The following NFATC2 variants were observed in gnomAD, a reference collection of about 807,000 sequenced individuals.
The protein encoded by NFATC2 is nuclear factor of activated T-cells, cytoplasmic 2.
In NFATC2, 22 loss-of-function variants were observed where a neutral mutation model predicts 87.3. The ratio of observed to expected loss-of-function variants is 0.25; its 90% CI spans 0.18 to 0.36. The LOEUF is 0.36. NFATC2 is among the 10% of genes least tolerant of loss of function. The pLI is 1.00. For missense variants in NFATC2, 1,149 were observed against 1,259.1 expected (o/e 0.91, Z 1.32); for synonymous variants, 565 against 542.2 (o/e 1.04, Z -0.58).
chr20:51,462,164 G>T (rs1264133063), intron 5 of NFATC2, among the ~76,000 whole-genome samples: 2 of 151,776 alleles, frequency 1.3e-5, no homozygotes, highest in Non-Finnish European at 2.9e-5. Context: ...GCCGGGCAGG[G>T]TGACTTATGC....
intron 3 of NFATC2, among the ~76,000 whole-genome samples, chr20:51,483,151 T>G (rs1252567021): frequency 6.6e-6 from 1 of 152,166 alleles, no homozygotes; most frequent in Non-Finnish European, 1.5e-5. Context: ...GTTCCCAACT[T>G]TCCCCCATTA....
intron 6 of NFATC2, among the ~76,000 whole-genome samples, chr20:51,442,474 A>T (rs1325007954): frequency 6.7e-6 from 1 of 150,068 alleles, no homozygotes; most frequent in African/African-American, 2.5e-5. Flanking sequence ...AGCAGATTTT[A>T]AAAAAATGCT....
intron 9 of NFATC2, among the ~76,000 whole-genome samples, chr20:51,417,027 C>G (rs191734018): frequency 6.6e-6 from 1 of 152,106 alleles, no homozygotes; most frequent in Non-Finnish European, 1.5e-5. Flanking sequence ...GGGGAGCAGC[C>G]CAGGATAAAT....
At chr20:51,467,016 G>T (rs1466200151) in intron 5 of NFATC2, among the ~76,000 whole-genome samples, 1 of 146,644 alleles carries the variant, frequency 6.8e-6, no homozygotes. Context: ...AGGTCACAGT[G>T]AGCCAAGACT....
At chr20:51,431,839 G>C (rs932666331) in intron 9 of NFATC2, among the ~76,000 whole-genome samples, 3 of 152,076 alleles carry the variant, frequency 2.0e-5, no homozygotes, top group Admixed American at 2.0e-4. Context: ...CTGGAGGGGG[G>C]CATCTGAAAT....
chr20:51,396,094 A>AT (rs1456235800), intron 10 of NFATC2, among the ~76,000 whole-genome samples: 11 of 121,004 alleles, frequency 9.1e-5, no homozygotes, highest in Middle Eastern at 4.3e-3. Flanking sequence ...ATATATATAT[A>AT]AGCTAATGGC....
rs115539910 is a variant in NFATC2, at chr20:51,430,906, C to T, written c.2722+1161G>A. Among the ~76,000 whole-genome samples, 1,260 of 152,188 alleles carry T rather than the reference C, an allele frequency of 8.3e-3. 19 individuals carry two copies. The highest frequency in any genetic ancestry group is 0.029 in the African/African-American group (1,191 of 41,490). The stretch of plus-strand genomic sequence containing the variant: ...AATTGAGGTTTCAGGGTATATCAGA[C>T]GCTACTGCCTATAAAATACAGGACT... On this transcript the variant is annotated intron_variant, in intron 9 of 10. Coordinates refer to ENST00000371564, the MANE Select transcript of NFATC2 (RefSeq NM_012340.5).
intron 3 of NFATC2, among the ~76,000 whole-genome samples, chr20:51,481,855 T>C (rs1989287380): frequency 6.6e-6 from 1 of 152,188 alleles, no homozygotes; most frequent in African/African-American, 2.4e-5. Flanking sequence ...AGGAAAACTT[T>C]GCACCCTCCA....
In NFATC2 at chr20:51,524,684, C is replaced by T. The variant is rs1600948398; in HGVS notation, c.131-574G>A. Among the ~76,000 whole-genome samples the T allele has an allele frequency of 2.0e-5, 3 of 152,230 alleles. No homozygotes were observed. In the South Asian group the frequency reaches 6.2e-4, roughly 32 times the overall value. On this transcript the variant is annotated intron_variant, in intron 1 of 10. Transcript: ENST00000371564. The surrounding 1 kb of genome is among the most constrained non-coding windows in gnomAD (Gnocchi z 4.0). Reference sequence around the variant, plus strand: ...TGCGCAGACTCTGCAGCCCACAGTGCCCTGGGCTTCAATCCCAGATTTCAC... The same window carrying T: ...TGCGCAGACTCTGCAGCCCACAGTGTCCTGGGCTTCAATCCCAGATTTCAC...
intron 9 of NFATC2, among the ~76,000 whole-genome samples, chr20:51,427,829 C>T (rs989639536): frequency 6.6e-6 from 1 of 152,224 alleles, no homozygotes; most frequent in African/African-American, 2.4e-5. Context: ...GCCACCCTCT[C>T]GCTCCTAACC....
chr20:51,506,739 G>A (rs113553035), intron 3 of NFATC2, among the ~76,000 whole-genome samples: 5 of 57,932 alleles, frequency 8.6e-5, no homozygotes, highest in African/African-American at 2.2e-4. Context: ...GGGTTGCAGC[G>A]AGATGGCTCG....
intron 2 of NFATC2, among the ~76,000 whole-genome samples, chr20:51,519,914 TAAAAAAAAAAAA>T (rs764620449): frequency 7.8e-6 from 1 of 128,490 alleles, no homozygotes; most frequent in African/African-American, 2.9e-5. Flanking sequence ...AGACTCCATC[TAAAAAAAAAAAA>T]AAAAGAACAA....
chr20:51,434,589 C>T (rs769511000), intron 8 of NFATC2, among the ~76,000 whole-genome samples: 6 of 152,222 alleles, frequency 3.9e-5, no homozygotes, highest in Non-Finnish European at 8.8e-5. Context: ...TCCACATGGA[C>T]AGGGATTCTT....
At chr20:51,479,066 G>C (rs1989001972) in intron 3 of NFATC2, among the ~76,000 whole-genome samples, 1 of 152,212 alleles carries the variant, frequency 6.6e-6, no homozygotes, top group African/African-American at 2.4e-5. Flanking sequence ...TCCAGCCGTA[G>C]TGGGAATATT....
At position 51,387,025 on chromosome 20, in the gene NFATC2, A is replaced by G. The variant is rs921006135; in HGVS notation, c.*4471T>C. 1 of 152,210 alleles carries G rather than the reference A, an allele frequency of 6.6e-6. No homozygotes were observed. Among genetic ancestry groups the G allele is most frequent in the Non-Finnish European group, 1.5e-5 (1 of 68,038 alleles). The allele number at this position is 152,210 out of a possible 1,614,324, so 9.4% of individuals were successfully genotyped here. On this transcript the variant is annotated 3_prime_UTR_variant, in exon 11 of 11. Transcript: ENST00000371564. Reference sequence around the variant, plus strand: ...CAAGCCGTATAAAAATACTTTACATATAGGAAAAATAAACTACATTAAACT... The same window carrying G: ...CAAGCCGTATAAAAATACTTTACATGTAGGAAAAATAAACTACATTAAACT...
At chr20:51,557,672 A>G (rs544229666) in intron 1 of NFATC2, among the ~76,000 whole-genome samples, 1 of 152,330 alleles carries the variant, frequency 6.6e-6, no homozygotes, top group Admixed American at 6.5e-5. Flanking sequence ...AGAGTGAGAC[A>G]CAATGAGAGT....
At chr20:51,561,491 GCAAGCAAGCAAGCA>G (rs2077031266) in intron 1 of NFATC2, among the ~76,000 whole-genome samples, 1 of 95,090 alleles carries the variant, frequency 1.1e-5, no homozygotes, top group South Asian at 3.5e-4. Flanking sequence ...AAGAAAGCAA[GCAAGCAAGCAAGCA>G]AGCAAGCAAG....
At chr20:51,530,622 G>A (rs1600966436) in intron 1 of NFATC2, among the ~76,000 whole-genome samples, 1 of 152,192 alleles carries the variant, frequency 6.6e-6, no homozygotes, top group Non-Finnish European at 1.5e-5. Flanking sequence ...GTACCAAAGG[G>A]AGGAAGAAGA....
chr20:51,494,328 G>A (rs181648528), intron 3 of NFATC2, among the ~76,000 whole-genome samples: 14 of 151,704 alleles, frequency 9.2e-5, no homozygotes, highest in South Asian at 2.1e-4. Context: ...CAAATCTGGC[G>A]GCTTCCCTGG....
Sources: gnomAD v4.1 joint callset for allele counts (sites outside exome capture counted in the v4.1 genomes callset) on GRCh38, gnomAD v4.1.1 for gene constraint, Gnocchi (gnomAD v3.1) non-coding constraint, MANE v1.5 for transcripts, NCBI Gene and HGNC (gene_info 2026-07-23, HGNC 2026-07-21) for gene names.